Variants in RPRD1B observed in about 807,000 individuals in gnomAD.
RPRD1B encodes the protein regulation of nuclear pre-mRNA domain-containing protein 1B.
RPRD1B carries 11 observed loss-of-function variants against 41.5 expected under a neutral mutation model. The ratio of observed to expected loss-of-function variants is 0.27; its 90% CI spans 0.17 to 0.44. RPRD1B has a LOEUF of 0.44. Among genes scored for constraint, RPRD1B ranks in the 20% least tolerant of loss-of-function variants. RPRD1B has a pLI of 1.00. For missense variants in RPRD1B, 248 were observed against 389.9 expected, an observed-to-expected ratio of 0.64 and a Z score of 3.06; for synonymous variants, 158 against 155.6, an observed-to-expected ratio of 1.02 and a Z score of -0.12.
In RPRD1B at chr20:38,040,698, G is replaced by GT. The variant is rs1568642757; in HGVS notation, c.281+138dup. 4.5e-6 allele frequency: 4 copies of GT among 896,074 alleles called. No individual in the cohort carries two copies. The Admixed American group carries it at 1.1e-4, about 25-fold the overall frequency. The allele number at this position is 896,074 out of a possible 1,614,324, so 55.5% of individuals were successfully genotyped here. On this transcript the variant is annotated intron_variant, in intron 2 of 6. Coordinates refer to ENST00000373433, the MANE Select transcript of RPRD1B (RefSeq NM_021215.4). ...AGAGAGTTGTGGAGGCCGAATTGTG[G>GT]TTTTATGTTTTGTTGAGCCCTCAAG...
rs1455594338 is a variant in RPRD1B at position 38,090,888 on chromosome 20, C to T, written c.*1013C>T. The T allele has an allele frequency of 1.6e-5, 16 of 985,128 alleles. No homozygotes were observed. Among genetic ancestry groups the T allele is most frequent in the Middle Eastern group, 1.0e-3 (2 of 1,936 alleles). The allele number at this position is 985,128 out of a possible 1,614,324, so 61.0% of individuals were successfully genotyped here. On this transcript the variant is annotated 3_prime_UTR_variant, in exon 7 of 7. Coordinates refer to ENST00000373433, the MANE Select transcript of RPRD1B (RefSeq NM_021215.4). ...CTGCAAATAGGACGCTGAGCAGGTC[C>T]GTCTGTCATGTCACGCCACTGCACA...
chr20:38,034,722 ACCTCTCCTCT>A (rs1011733080), intron 1 of RPRD1B, among the ~76,000 whole-genome samples: 2 of 151,244 alleles, frequency 1.3e-5, no homozygotes, highest in African/African-American at 4.9e-5. Flanking sequence ...CCCAGACCTT[ACCTCTCCTCT>A]CCTCTCCTCT....
At chr20:38,081,080 T>C (rs920532801) in intron 6 of RPRD1B, among the ~76,000 whole-genome samples, 2 of 152,216 alleles carry the variant, frequency 1.3e-5, no homozygotes, top group African/African-American at 4.8e-5. Context: ...CATGCAAAAA[T>C]AGTTTTTCCT....
At chr20:38,053,999 T>C (rs1166769223) in intron 3 of RPRD1B, among the ~76,000 whole-genome samples, 2 of 152,124 alleles carry the variant, frequency 1.3e-5, no homozygotes, top group Non-Finnish European at 2.9e-5. Context: ...CTGTATAGTC[T>C]AACTTGGGAA....
At chr20:38,037,854 T>G (rs548000226) in intron 1 of RPRD1B, among the ~76,000 whole-genome samples, 3 of 152,030 alleles carry the variant, frequency 2.0e-5, no homozygotes, top group Non-Finnish European at 4.4e-5. Flanking sequence ...ATATGGATTC[T>G]AGGTTTTTTT....
At chr20:38,038,137 T>C (rs2074022152) in intron 1 of RPRD1B, among the ~76,000 whole-genome samples, 1 of 152,246 alleles carries the variant, frequency 6.6e-6, no homozygotes, top group South Asian at 2.1e-4. Context: ...TCCAGGTTCC[T>C]AGTATTCTTA....
intron 6 of RPRD1B, among the ~76,000 whole-genome samples, chr20:38,072,149 T>G (rs2074419150): frequency 1.3e-5 from 2 of 152,230 alleles, no homozygotes; most frequent in South Asian, 4.1e-4. Context: ...TAATTTTATG[T>G]CTTAAATTTA....
chr20:38,049,348 C>A (rs983882037), intron 3 of RPRD1B, among the ~76,000 whole-genome samples: 1 of 138,052 alleles, frequency 7.2e-6, no homozygotes. Flanking sequence ...ATTATTTTTT[C>A]TTTTTTCTTT....
Position 38,076,950 on chromosome 20 carries a change from G to A in RPRD1B, c.831+10694G>A, listed in dbSNP as rs1347528289. Among the ~76,000 whole-genome samples the A allele has an allele frequency of 9.3e-5, 9 of 96,458 alleles. No individual in the cohort carries two copies. The South Asian group carries it at 2.0e-3, about 22-fold the overall frequency. 63.3% of individuals were successfully genotyped at this position (96,458 alleles called of 152,430 possible). A position where few individuals can be genotyped will look rare whatever the true frequency, so the allele number is the denominator to read the frequency against. On this transcript the variant is annotated intron_variant, in intron 6 of 6. Transcript: ENST00000373433. ...TTTTTTTTTTTTGAGATGGAGTCTC[G>A]CTGTTGCCCAGGCTGTAGTGCAGTG... is the stretch of plus-strand genomic sequence containing the variant.
chr20:38,055,754 G>T (rs932037048), intron 3 of RPRD1B, among the ~76,000 whole-genome samples: 2 of 152,158 alleles, frequency 1.3e-5, no homozygotes, highest in African/African-American at 4.8e-5. Flanking sequence ...TTATCACTGG[G>T]CGATAAGGAG....
At position 38,091,158 on chromosome 20, in the gene RPRD1B, G is replaced by A. The variant is rs977955718; in HGVS notation, c.*1283G>A. ...CTTATTTTTGACATTGGAAAGGGCAGAAAGCGATTTGCCCCAGTAGTGTAA... is the reference window on the plus strand; with the variant it reads ...CTTATTTTTGACATTGGAAAGGGCAAAAAGCGATTTGCCCCAGTAGTGTAA... On this transcript the variant is annotated 3_prime_UTR_variant, in exon 7 of 7. Transcript: ENST00000373433. 2.0e-6 allele frequency: 2 copies of A among 985,660 alleles called. No homozygotes were observed. The highest frequency in any genetic ancestry group is 6.2e-5 in the Admixed American group (1 of 16,260). 61.1% of individuals were successfully genotyped at this position (985,660 alleles called of 1,614,324 possible).
At chr20:38,040,672 C>CAG in intron 2 of RPRD1B, 108 bp downstream of exon 2, 1 of 1,260,704 alleles carries the variant, frequency 7.9e-7, no homozygotes, top group South Asian at 1.6e-5. Flanking sequence ...TCCTACTTTA[C>CAG]AGAGAGTTGT....
chr20:38,057,529 T>C lies in RPRD1B; in HGVS notation c.416-3T>C. The stretch of plus-strand genomic sequence containing the variant: ...CAAATTTATTACTTTCTCTTTTGTC[T>C]AGCAACAGAAGAGAAGAAATCTCTG... On this transcript the variant is annotated splice_polypyrimidine_tract_variant and splice_region_variant and intron_variant, in intron 3 of 6. Transcript: ENST00000373433. 2.5e-6 allele frequency: 4 copies of C among 1,603,200 alleles called. No homozygotes were observed. Among genetic ancestry groups the C allele is most frequent in the South Asian group, 1.1e-5 (1 of 90,826 alleles).
chr20:38,059,350 C>G, intron 4 of RPRD1B, 44 bp from the exon 5 acceptor site: 1 of 1,550,332 alleles, frequency 6.5e-7, no homozygotes, highest in Non-Finnish European at 8.7e-7. Flanking sequence ...TTCTTTAAAC[C>G]CCATGTCTTA....
At chr20:38,048,317 T>C (rs1568646187) in intron 2 of RPRD1B, 31 bp from the exon 3 acceptor site, 4 of 1,593,004 alleles carry the variant, frequency 2.5e-6, no homozygotes, top group Non-Finnish European at 3.4e-6. Flanking sequence ...AATCTTAAGC[T>C]TATATATATC....
At chr20:38,076,918 T>TTTTTTTTTTTTTTTTTTTTG (rs2074467095) in intron 6 of RPRD1B, among the ~76,000 whole-genome samples, 1 of 92,946 alleles carries the variant, frequency 1.1e-5, no homozygotes, top group African/African-American at 3.9e-5. Context: ...TTTTTTTTTT[T>TTTTTTTTTTTTTTTTTTTTG]TTTTTTTTTT....
At chr20:38,035,768 GT>G (rs5841283) in intron 1 of RPRD1B, among the ~76,000 whole-genome samples, 38,673 of 142,188 alleles carry the variant, frequency 0.27, 6,705 homozygotes, top group African/African-American at 0.52. Context: ...CATTTTTTTT[GT>G]TTTTTTTTTT....
At chr20:38,068,878 G>A (rs185630413) in intron 6 of RPRD1B, among the ~76,000 whole-genome samples, 69 of 152,286 alleles carry the variant, frequency 4.5e-4, no homozygotes, top group African/African-American at 1.5e-3. Flanking sequence ...GTCTCTCTGC[G>A]TGATGGGGCA....
chr20:38,072,749 C>T (rs1270921363), intron 6 of RPRD1B, among the ~76,000 whole-genome samples: 1 of 151,068 alleles, frequency 6.6e-6, no homozygotes, highest in Non-Finnish European at 1.5e-5. Flanking sequence ...TTATAAAGGC[C>T]CTGTCTAGGT....
Sources: allele counts gnomAD v4.1 joint callset (sites outside exome capture counted in the v4.1 genomes callset), GRCh38; gene constraint gnomAD v4.1.1; transcripts MANE v1.5; gene names NCBI Gene and HGNC (gene_info 2026-07-23, HGNC 2026-07-21).